The following ERCC4 variants were observed in gnomAD, a reference collection of about 807,000 sequenced individuals.
ERCC4 encodes DNA repair endonuclease XPF.
A neutral mutation model predicts 76.9 loss-of-function variants in ERCC4; 65 were observed. The observed-to-expected ratio is 0.84, with a 90% CI of 0.69 to 1.04. The LOEUF is 1.04. Ranked by LOEUF, ERCC4 falls within the 50% of genes least tolerant of loss-of-function variation. ERCC4 has a pLI of 0.00. For missense variants in ERCC4, 1,214 were observed against 1,128.2 expected, an observed-to-expected ratio of 1.08 and a Z score of -1.09; for synonymous variants, 463 against 410.1, an observed-to-expected ratio of 1.13 and a Z score of -1.56.
At chr16:13,943,731 G>GC (rs947580704) in intron 9 of ERCC4, among the ~76,000 whole-genome samples, 3 of 146,596 alleles carry the variant, frequency 2.0e-5, no homozygotes, top group Non-Finnish European at 3.0e-5. Flanking sequence ...AGTTCCAGTT[G>GC]TTTTTTTTTT....
At position 13,948,482 on chromosome 16, in the gene ERCC4, AAGCC is replaced by A. The variant is rs2141621795; in HGVS notation, c.*138_*141del. 9.2e-7 allele frequency: 1 copy of A among 1,088,764 alleles called. No individual in the cohort carries two copies. Among genetic ancestry groups the A allele is most frequent in the African/African-American group, 1.6e-5 (1 of 64,032 alleles). 67.4% of individuals were successfully genotyped at this position (1,088,764 alleles called of 1,614,324 possible). On this transcript the variant is annotated 3_prime_UTR_variant, in exon 11 of 11. Coordinates refer to ENST00000311895, the MANE Select transcript of ERCC4 (RefSeq NM_005236.3). ...TCTTAATGATTGTACGGTGGACCAG[AAGCC>A]AGGATTCCTCTCTGAACTCTGCAGT...
chr16:13,932,240 A>G lies in ERCC4; in HGVS notation c.1057A>G (p.Lys353Glu). The change falls in exon 6 of 11, where the codon AAA becomes GAA. Residue 353 changes from lysine (K) to glutamate (E), a missense_variant. Transcript: ENST00000311895. ...TCATCTTCCAGATGCCAAAATGAGT[A>G]AAAAAGAAAAAATATCTGAAAAAAT... ...VYHLPDAKMS[K>E]KEKISEKMEI... is the part of the protein sequence containing the mutation. The G allele has an allele frequency of 6.2e-7, 1 of 1,611,262 alleles. No homozygotes were observed. The highest frequency in any genetic ancestry group is 2.2e-5 in the East Asian group (1 of 44,866).
At chr16:13,934,123 T>C in intron 6 of ERCC4, 69 bp from the exon 7 acceptor site, 1 of 1,008,044 alleles carries the variant, frequency 9.9e-7, no homozygotes, top group Non-Finnish European at 1.5e-6. Context: ...TCTGTTGTTT[T>C]AAAAGCCTTT....
At position 13,944,615 on chromosome 16, in the gene ERCC4, C is replaced by G. The variant is rs962249470; in HGVS notation, c.1905-108C>G. ...TCCTTGTTTTTGTTTTTGTTTTTCT[C>G]TTACTGCTATCATCATGTAGATCAT... On this transcript the variant is annotated intron_variant, in intron 9 of 10. Coordinates refer to ENST00000311895, the MANE Select transcript of ERCC4 (RefSeq NM_005236.3). The G allele has an allele frequency of 1.1e-5, 8 of 760,324 alleles. No homozygotes were observed. In the Admixed American group the frequency reaches 1.4e-4, roughly 13 times the overall value. The allele number at this position is 760,324 out of a possible 1,614,324, so 47.1% of individuals were successfully genotyped here.
At chr16:13,931,935 C>T in intron 5 of ERCC4, 1 of 555,262 alleles carries the variant, frequency 1.8e-6, no homozygotes, top group South Asian at 2.5e-5. Flanking sequence ...TCTGACATCA[C>T]ATAGCCCTGA....
At chr16:13,940,369 C>T (rs1277094422) in intron 9 of ERCC4, among the ~76,000 whole-genome samples, 4 of 151,362 alleles carry the variant, frequency 2.6e-5, no homozygotes, top group African/African-American at 4.9e-5. Context: ...GCCTGGGCAA[C>T]CGAGTGACCC....
intron 8 of ERCC4, among the ~76,000 whole-genome samples, chr16:13,937,239 G>A (rs1480298515): frequency 6.6e-6 from 1 of 151,926 alleles, no homozygotes; most frequent in Admixed American, 6.6e-5. Context: ...TTTTCTAAGA[G>A]AAAGTAGATC....
At chr16:13,939,353 A>G (rs1199523664) in intron 9 of ERCC4, among the ~76,000 whole-genome samples, 1 of 152,176 alleles carries the variant, frequency 6.6e-6, no homozygotes, top group Non-Finnish European at 1.5e-5. Flanking sequence ...CTTACCCTTT[A>G]GTGGAAAAGA....
chr16:13,933,126 G>A, intron 6 of ERCC4: 3 of 349,462 alleles, frequency 8.6e-6, no homozygotes, highest in Non-Finnish European at 1.7e-5. Context: ...TCAGCTACTT[G>A]AGAGGCTAAG....
chr16:13,922,109 A>T lies in ERCC4; in HGVS notation c.286A>T (p.Ser96Cys), dbSNP rs775257742. Residue 96 changes from serine (S) to cysteine (C), a missense_variant, in exon 2 of 11, where the codon AGT (serine) becomes TGT (cysteine). Physicochemically the swap from Ser to Cys is moderately radical, Grantham distance 112. Transcript: ENST00000311895. Reference sequence around the variant, plus strand: ...TGTAACAAATGAAATCACAAGCAACAGTCGCTATGAAGTTTACACACAAGG... The same window carrying T: ...TGTAACAAATGAAATCACAAGCAACTGTCGCTATGAAGTTTACACACAAGG... ...RRVTNEITSN[S>C]RYEVYTQGGV... 2 of 1,613,776 alleles carry T rather than the reference A, an allele frequency of 1.2e-6. No individual in the cohort carries two copies. The highest frequency in any genetic ancestry group is 1.7e-6 in the Non-Finnish European group (2 of 1,179,662).
At chr16:13,930,251 T>C (rs1242052774) in intron 4 of ERCC4, among the ~76,000 whole-genome samples, 1 of 152,112 alleles carries the variant, frequency 6.6e-6, no homozygotes, top group Non-Finnish European at 1.5e-5. Context: ...GTGTATGCCC[T>C]CTGCTTGGTC....
chr16:13,947,709 G>C lies in ERCC4; in HGVS notation c.2113G>C (p.Asp705His). The C allele has an allele frequency of 6.2e-7, 1 of 1,614,238 alleles. No individual in the cohort carries two copies. The highest frequency in any genetic ancestry group is 8.5e-7 in the Non-Finnish European group (1 of 1,180,044). The part of the protein sequence containing the change: ...LPSLIHRRGI[D>H]IEPVTLEVGD... Reference sequence around the variant, plus strand: ...ATCTCTGATCCATCGTCGGGGCATTGACATTGAACCCGTGACTTTAGAGGT... The same window carrying C: ...ATCTCTGATCCATCGTCGGGGCATTCACATTGAACCCGTGACTTTAGAGGT... The change falls in exon 11 of 11, where the codon GAC becomes CAC. Residue 705 changes from aspartate (D) to histidine (H), a missense_variant. Asp to His is a moderately conservative substitution (Grantham distance 81, BLOSUM62 -1). Coordinates refer to ENST00000311895, the MANE Select transcript of ERCC4 (RefSeq NM_005236.3).
chr16:13,940,390 AAAAAAAAAG>A (rs1314274317), intron 9 of ERCC4, among the ~76,000 whole-genome samples: 4 of 151,974 alleles, frequency 2.6e-5, no homozygotes, highest in Non-Finnish European at 1.5e-5. Flanking sequence ...CCGTCTCAAA[AAAAAAAAAG>A]AAAAAAAAGA....
intron 9 of ERCC4, among the ~76,000 whole-genome samples, chr16:13,941,337 A>G (rs930203956): frequency 2.0e-5 from 3 of 152,216 alleles, no homozygotes; most frequent in Admixed American, 1.3e-4. Flanking sequence ...AGATAGTTGC[A>G]CTGTTAAGAA....
intron 3 of ERCC4, 42 bp downstream of exon 3, chr16:13,926,798 C>T: frequency 2.0e-6 from 3 of 1,465,412 alleles, no homozygotes; most frequent in South Asian, 2.3e-5. Flanking sequence ...CATTATTTGT[C>T]ATCTTTGTTT....
At chr16:13,939,797 G>C (rs2032378449) in intron 9 of ERCC4, among the ~76,000 whole-genome samples, 1 of 152,136 alleles carries the variant, frequency 6.6e-6, no homozygotes, top group Non-Finnish European at 1.5e-5. Flanking sequence ...GAGGAAAGAA[G>C]ACAGATTTGA....
intron 2 of ERCC4, among the ~76,000 whole-genome samples, chr16:13,924,837 T>A (rs2141942853): frequency 6.6e-6 from 1 of 152,286 alleles, no homozygotes; most frequent in Non-Finnish European, 1.5e-5. Context: ...TCGGGCAGTT[T>A]AATGGAGGAG....
rs200069811 is a variant in ERCC4 at position 13,948,110 on chromosome 16, T to C, written c.2514T>C (p.Leu838=). The C allele has an allele frequency of 1.2e-5, 19 of 1,613,956 alleles. No homozygotes were observed. The highest frequency in any genetic ancestry group is 1.7e-5 in the Admixed American group (1 of 60,002). The change falls in exon 11 of 11, where the codon CTT becomes CTC. Residue 838 remains leucine, a synonymous_variant. Transcript: ENST00000311895. ...CCATTACAGCAGATTCTGAAACCCTTCCCGAGTCAGAGAAGTATAATCCTG... is the reference window on the plus strand; with the variant it reads ...CCATTACAGCAGATTCTGAAACCCTCCCCGAGTCAGAGAAGTATAATCCTG... ...ALAITADSET[L]PESEKYNPGP...
At chr16:13,921,647 G>C (rs993679297) in intron 1 of ERCC4, among the ~76,000 whole-genome samples, 5 of 152,178 alleles carry the variant, frequency 3.3e-5, no homozygotes, top group Non-Finnish European at 4.4e-5. Context: ...ACATTGTCTG[G>C]GGAAAGGATT....
Sources: gnomAD v4.1 joint callset for allele counts (sites outside exome capture counted in the v4.1 genomes callset) on GRCh38, gnomAD v4.1.1 for gene constraint, MANE v1.5 for transcripts, NCBI Gene and HGNC (gene_info 2026-07-23, HGNC 2026-07-21) for gene names.